Variants in MRPL19 observed in about 807,000 individuals in gnomAD.
MRPL19 encodes large ribosomal subunit protein bL19m.
Under a neutral mutation model 34.0 loss-of-function variants are expected in MRPL19, and 31 were observed. That is an observed-to-expected ratio of 0.91 (90% CI 0.68 to 1.23). MRPL19 has a LOEUF of 1.23. Ranked by LOEUF, MRPL19 falls within the 50% of genes most tolerant of loss-of-function variation. The pLI is 0.00. For synonymous variants in MRPL19, 152 were observed against 127.7 expected (o/e 1.19, Z -1.28); for missense variants, 384 against 367.6 (o/e 1.04, Z -0.37).
At chr2:75,650,071 A>C (rs1479986376) in intron 2 of MRPL19, among the ~76,000 whole-genome samples, 1 of 152,238 alleles carries the variant, frequency 6.6e-6, no homozygotes, top group South Asian at 2.1e-4. Context: ...TAAAATTTTC[A>C]AAGTAGAAAA....
At position 75,658,848 on chromosome 2, in the gene MRPL19, TA is replaced by T. The variant is rs1026505628; in HGVS notation, c.*3570del. Among the ~76,000 whole-genome samples the T allele has an allele frequency of 1.3e-5, 2 of 152,062 alleles. No homozygotes were observed. The highest frequency in any genetic ancestry group is 2.9e-5 in the Non-Finnish European group (2 of 68,006). ...ACAATGTGTTAAGGTTCTCTTTTTT[TA>T]AAAAAATTTTTGCACAGAGTATCTT... is the stretch of plus-strand genomic sequence containing the variant. On this transcript the variant is annotated 3_prime_UTR_variant, in exon 6 of 6. Coordinates refer to ENST00000393909, the MANE Select transcript of MRPL19 (RefSeq NM_014763.4).
At position 75,655,209 on chromosome 2, in the gene MRPL19, A is replaced by G; in HGVS notation, c.803A>G (p.Asp268Gly). 3.1e-6 allele frequency: 5 copies of G among 1,613,702 alleles called. No homozygotes were observed. The African/African-American group carries it at 4.0e-5, about 13-fold the overall frequency. Residue 268 changes from aspartate (D) to glycine (G), a missense_variant, in exon 6 of 6, where the codon GAT (aspartate) becomes GGT (glycine). Physicochemically the swap from Asp to Gly is moderately conservative, Grantham distance 94 (BLOSUM62 -1). Transcript: ENST00000393909. Reference protein sequence around the residue: ...QKWNQPWLEFDMMREYDTSKI... With the variant: ...QKWNQPWLEFGMMREYDTSKI... The stretch of plus-strand genomic sequence containing the variant: ...TGGAATCAGCCATGGCTTGAATTTG[A>G]TATGATGAGGGAATATGATACTTCA...
chr2:75,652,168 G>C lies in MRPL19; in HGVS notation c.248G>C (p.Arg83Pro), dbSNP rs202036696. ...TTCTTGAGTCCTGAATTCATTCCTC[G>C]AAGGGGAAGAACAGATCCTCTGAAA... ...RRFLSPEFIP[R>P]RGRTDPLKFQ... Residue 83 changes from arginine to proline, a missense_variant, in exon 3 of 6, where the codon CGA becomes CCA. Coordinates refer to ENST00000393909, the MANE Select transcript of MRPL19 (RefSeq NM_014763.4). The C allele has an allele frequency of 1.9e-6, 3 of 1,592,796 alleles. 1 individual carries two copies. In the South Asian group the frequency reaches 3.4e-5, roughly 18 times the overall value.
intron 2 of MRPL19, 66 bp downstream of exon 2, chr2:75,647,285 C>A: frequency 1.4e-6 from 2 of 1,466,054 alleles, no homozygotes; most frequent in South Asian, 2.6e-5. Flanking sequence ...CGTTCGCGTT[C>A]GAGGTCCCGG....
chr2:75,647,230 G>C lies in MRPL19; in HGVS notation c.221+11G>C. ...GGAACCGGAACGCAGGTGAGGCACTGCCCTGGCGCTAGGCCGGCAACTGGG... is the reference window on the plus strand; with the variant it reads ...GGAACCGGAACGCAGGTGAGGCACTCCCCTGGCGCTAGGCCGGCAACTGGG... On this transcript the variant is annotated intron_variant, in intron 2 of 5. Coordinates refer to ENST00000393909, the MANE Select transcript of MRPL19 (RefSeq NM_014763.4). The C allele has an allele frequency of 6.4e-7, 1 of 1,571,422 alleles. No individual in the cohort carries two copies. The highest frequency in any genetic ancestry group is 1.2e-5 in the South Asian group (1 of 85,212).
chr2:75,652,112 C>T (rs762161813), intron 2 of MRPL19, 30 bp from the exon 3 acceptor site: 9 of 1,363,036 alleles, frequency 6.6e-6, no homozygotes, highest in Admixed American at 4.5e-5. Context: ...TTTGAGTTTA[C>T]TTTTAATTAT....
chr2:75,649,149 C>T (rs978520205), intron 2 of MRPL19, among the ~76,000 whole-genome samples: 1 of 152,198 alleles, frequency 6.6e-6, no homozygotes, highest in Non-Finnish European at 1.5e-5. Context: ...TAGGCCTTGA[C>T]TGTTCAAAAA....
At chr2:75,648,440 A>G (rs936097216) in intron 2 of MRPL19, among the ~76,000 whole-genome samples, 1 of 152,216 alleles carries the variant, frequency 6.6e-6, no homozygotes, top group Non-Finnish European at 1.5e-5. Flanking sequence ...ATATGACAGA[A>G]TATTGTATAG....
chr2:75,654,630 T>G, intron 4 of MRPL19, 106 bp from the exon 5 acceptor site: 3 of 1,004,476 alleles, frequency 3.0e-6, no homozygotes, highest in Non-Finnish European at 4.2e-6. Flanking sequence ...ATTTTCTACA[T>G]GCAAAACTTT....
rs533472145 is a variant in MRPL19 at position 75,646,964 on chromosome 2, T to C, written c.103+54T>C. Reference sequence around the variant, plus strand: ...GCGCGTTAGGGGCCCAGGGTCAGGATGGGGGAGGCGAACCTGGAGATCAGA... The same window carrying C: ...GCGCGTTAGGGGCCCAGGGTCAGGACGGGGGAGGCGAACCTGGAGATCAGA... On this transcript the variant is annotated intron_variant, in intron 1 of 5. Coordinates refer to ENST00000393909, the MANE Select transcript of MRPL19 (RefSeq NM_014763.4). 5,961 of 1,505,924 alleles carry C rather than the reference T, an allele frequency of 4.0e-3. 34 individuals are homozygous for C. The highest frequency in any genetic ancestry group is 0.011 in the South Asian group (840 of 77,338). 93.3% of individuals were successfully genotyped at this position (1,505,924 alleles called of 1,614,324 possible). A position where few individuals can be genotyped will look rare whatever the true frequency, so the allele number is the denominator to read the frequency against.
rs1293015214 is a variant in MRPL19 at position 75,655,556 on chromosome 2, A to T, written c.*271A>T. The T allele has an allele frequency of 3.2e-6, 1 of 315,026 alleles. No homozygotes were observed. Among genetic ancestry groups the T allele is most frequent in the African/African-American group, 2.2e-5 (1 of 46,090 alleles). The allele number at this position is 315,026 out of a possible 1,614,324, so 19.5% of individuals were successfully genotyped here. ...AGCATCACCAGAATGGTCTTTAATG[A>T]GCATGGAACCTGAGCAAAGGGAATA... On this transcript the variant is annotated 3_prime_UTR_variant, in exon 6 of 6. Transcript: ENST00000393909.
chr2:75,654,572 CTATT>C (rs1413858258), intron 4 of MRPL19, among the ~76,000 whole-genome samples, 160 bp from the exon 5 acceptor site: 3 of 152,108 alleles, frequency 2.0e-5, no homozygotes, highest in Admixed American at 2.0e-4. Flanking sequence ...TAGCTTATTT[CTATT>C]TCTTTCAGTA....
intron 2 of MRPL19, chr2:75,651,899 G>A (rs1203691098): frequency 7.1e-6 from 2 of 279,782 alleles, no homozygotes; most frequent in Non-Finnish European, 6.7e-6. Flanking sequence ...CCACATGGTT[G>A]CTAGAAGGAT....
intron 2 of MRPL19, among the ~76,000 whole-genome samples, chr2:75,650,283 GA>G (rs3836196): frequency 0.31 from 46,749 of 151,696 alleles, 7,340 homozygotes; most frequent in East Asian, 0.43. Context: ...AGTTAAAGAA[GA>G]AAAAAAGAAG....
rs573586224 is a variant in MRPL19, at chr2:75,660,089, A to T, written c.*4804A>T. ...GATTATTGCAGTTGCCCTTCTTTTTATTTTTTTCAAGTTTGTTGATTCTTC... is the reference window on the plus strand; with the variant it reads ...GATTATTGCAGTTGCCCTTCTTTTTTTTTTTTTCAAGTTTGTTGATTCTTC... On this transcript the variant is annotated 3_prime_UTR_variant, in exon 6 of 6. Transcript: ENST00000393909. Among the ~76,000 whole-genome samples, 135 of 147,860 alleles carry T rather than the reference A, an allele frequency of 9.1e-4. 1 individual carries two copies. The highest frequency in any genetic ancestry group is 3.5e-3 in the Middle Eastern group (1 of 284).
chr2:75,647,920 C>G (rs958547714), intron 2 of MRPL19, among the ~76,000 whole-genome samples: 4 of 152,074 alleles, frequency 2.6e-5, no homozygotes, highest in African/African-American at 9.7e-5. Context: ...CAGAGTCTCT[C>G]TCAGTCTCCC....
chr2:75,655,616 T>C lies in MRPL19; in HGVS notation c.*331T>C, dbSNP rs1231381127. On this transcript the variant is annotated 3_prime_UTR_variant, in exon 6 of 6. Coordinates refer to ENST00000393909, the MANE Select transcript of MRPL19 (RefSeq NM_014763.4). ...AATTTTTTTTTTAATTGTGAAACAA[T>C]TCATAAGCACAATATGATTTACAGA... 2 of 188,404 alleles carry C rather than the reference T, an allele frequency of 1.1e-5. No homozygotes were observed. Among genetic ancestry groups the C allele is most frequent in the Non-Finnish European group, 2.2e-5 (2 of 92,176 alleles). 11.7% of individuals were successfully genotyped at this position (188,404 alleles called of 1,614,324 possible). A position where few individuals can be genotyped will look rare whatever the true frequency, so the allele number is the denominator to read the frequency against.
In MRPL19 at chr2:75,655,518, C is replaced by T. The variant is rs915852486; in HGVS notation, c.*233C>T. Reference sequence around the variant, plus strand: ...CATTTGCTTATTGGAGGCAAAGCTACAATAGAAGTCAGAGCATCACCAGAA... The same window carrying T: ...CATTTGCTTATTGGAGGCAAAGCTATAATAGAAGTCAGAGCATCACCAGAA... On this transcript the variant is annotated 3_prime_UTR_variant, in exon 6 of 6. Coordinates refer to ENST00000393909, the MANE Select transcript of MRPL19 (RefSeq NM_014763.4). 3 of 393,458 alleles carry T rather than the reference C, an allele frequency of 7.6e-6. No individual in the cohort carries two copies. The highest frequency in any genetic ancestry group is 1.4e-5 in the Non-Finnish European group (3 of 221,160). The allele number at this position is 393,458 out of a possible 1,614,324, so 24.4% of individuals were successfully genotyped here.
At chr2:75,651,695 T>A in intron 2 of MRPL19, 4 of 317,840 alleles carry the variant, frequency 1.3e-5, no homozygotes, top group Non-Finnish European at 2.5e-5. Flanking sequence ...TGATGTCTTT[T>A]CTGACATAAT....
Sources: allele counts gnomAD v4.1 joint callset (sites outside exome capture counted in the v4.1 genomes callset), GRCh38; gene constraint gnomAD v4.1.1; transcripts MANE v1.5; gene names NCBI Gene and HGNC (gene_info 2026-07-23, HGNC 2026-07-21).